The following COL11A1 variants were observed in gnomAD, a reference collection of about 807,000 sequenced individuals.
The protein encoded by COL11A1 is collagen type XI alpha 1 chain.
COL11A1 carries 74 observed loss-of-function variants against 265.2 expected under a neutral mutation model. That is an observed-to-expected ratio of 0.28 (90% CI 0.23 to 0.34). The LOEUF is 0.34. Ranked by LOEUF, COL11A1 falls within the 10% of genes least tolerant of loss-of-function variation. The pLI, the probability that COL11A1 is intolerant of heterozygous loss-of-function variation, is 1.00. For missense variants in COL11A1, 2,165 were observed against 2,263.6 expected (o/e 0.96, Z 0.88); for synonymous variants, 816 against 727.6 (o/e 1.12, Z -1.96).
At chr1:103,099,897 A>G (rs1384546208) in intron 1 of COL11A1, among the ~76,000 whole-genome samples, 1 of 151,942 alleles carries the variant, frequency 6.6e-6, no homozygotes, top group African/African-American at 2.4e-5. Context: ...TACCAACAGC[A>G]TAATCTGAGG....
chr1:102,913,845 T>G (rs539614644), intron 52 of COL11A1, among the ~76,000 whole-genome samples, 155 bp from the exon 53 acceptor site: 1 of 152,270 alleles, frequency 6.6e-6, no homozygotes, highest in Non-Finnish European at 1.5e-5. Flanking sequence ...TTAAAAAGAT[T>G]GTGGTACCTC....
intron 36 of COL11A1, among the ~76,000 whole-genome samples, chr1:102,970,697 G>A (rs2101628504): frequency 6.6e-6 from 1 of 152,140 alleles, no homozygotes; most frequent in Non-Finnish European, 1.5e-5. Flanking sequence ...CCCTCTAGTG[G>A]TAATCCGAGC....
At chr1:102,898,239 T>A in intron 56 of COL11A1, 61 bp from the exon 57 acceptor site, 1 of 806,060 alleles carries the variant, frequency 1.2e-6, no homozygotes, top group Non-Finnish European at 1.7e-6. Flanking sequence ...TTTATTTATT[T>A]ATTTTAAATT....
chr1:102,921,373 G>T, intron 48 of COL11A1, 145 bp downstream of exon 48: 1 of 608,126 alleles, frequency 1.6e-6, no homozygotes, highest in African/African-American at 1.9e-5. Flanking sequence ...ATAATAAAGT[G>T]GAGTGAATAG....
At chr1:103,028,022 TTTTTGTTTTG>T (rs554819260) in intron 5 of COL11A1, among the ~76,000 whole-genome samples, 1 of 151,758 alleles carries the variant, frequency 6.6e-6, no homozygotes, top group Admixed American at 6.6e-5. Flanking sequence ...GTTTGTTTGT[TTTTTGTTTTG>T]TTTTGTTTTG....
At position 103,005,994 on chromosome 1, in the gene COL11A1, T is replaced by C. The variant is rs948714614; in HGVS notation, c.1791+74A>G. 5.6e-6 allele frequency: 9 copies of C among 1,611,346 alleles called. No individual in the cohort carries two copies. In the African/African-American group the frequency reaches 8.0e-5, roughly 14 times the overall value. ...GAAATATTCTCTCAGATTCAGAAAATGGATTTTTAAATATAAAATTTTCCA... is the reference window on the plus strand; with the variant it reads ...GAAATATTCTCTCAGATTCAGAAAACGGATTTTTAAATATAAAATTTTCCA... On this transcript the variant is annotated intron_variant, in intron 17 of 66. Coordinates refer to ENST00000370096, the MANE Select transcript of COL11A1 (RefSeq NM_001854.4).
rs1188781007 is a variant in COL11A1, at chr1:103,037,964, A to T, written c.652-6720T>A. ...AAATCATCTAGATTCCAAATTTCTTATAGTTCATTCTTGTCTCCATTAACT... is the reference window on the plus strand; with the variant it reads ...AAATCATCTAGATTCCAAATTTCTTTTAGTTCATTCTTGTCTCCATTAACT... On this transcript the variant is annotated intron_variant, in intron 4 of 66. Coordinates refer to ENST00000370096, the MANE Select transcript of COL11A1 (RefSeq NM_001854.4). 3.9e-5 allele frequency among the ~76,000 whole-genome samples: 6 copies of T among 152,184 alleles called. No individual in the cohort carries two copies. In the East Asian group the frequency reaches 1.2e-3, roughly 29 times the overall value.
At chr1:103,105,518 C>G (rs1286285841) in intron 1 of COL11A1, among the ~76,000 whole-genome samples, 1 of 151,944 alleles carries the variant, frequency 6.6e-6, no homozygotes. Context: ...TAGAGTCTAA[C>G]TTTGTTTTGA....
At chr1:103,057,932 C>G (rs1474390640) in intron 4 of COL11A1, among the ~76,000 whole-genome samples, 1 of 152,096 alleles carries the variant, frequency 6.6e-6, no homozygotes, top group Admixed American at 6.6e-5. Flanking sequence ...CTTAAAGTAG[C>G]CAGCTGCATT....
intron 1 of COL11A1, among the ~76,000 whole-genome samples, chr1:103,083,962 C>T (rs578143657): frequency 6.6e-6 from 1 of 152,210 alleles, no homozygotes; most frequent in East Asian, 1.9e-4. Flanking sequence ...TAAACTTTCC[C>T]TTTGTAAGTG....
At chr1:103,062,111 A>T (rs763007307) in intron 4 of COL11A1, among the ~76,000 whole-genome samples, 21 of 151,988 alleles carry the variant, frequency 1.4e-4, no homozygotes, top group Non-Finnish European at 2.1e-4. Flanking sequence ...TCCTTGGTAG[A>T]TCCAATCTGT....
intron 4 of COL11A1, among the ~76,000 whole-genome samples, chr1:103,037,282 GTGTGTA>G (rs1668454595): frequency 2.1e-5 from 3 of 144,624 alleles, no homozygotes. Context: ...GTGTGTGTGT[GTGTGTA>G]AAGAATCACA....
At chr1:102,979,857 T>C (rs1662869623) in intron 31 of COL11A1, among the ~76,000 whole-genome samples, 1 of 152,178 alleles carries the variant, frequency 6.6e-6, no homozygotes, top group Non-Finnish European at 1.5e-5. Context: ...CCTGAATTAA[T>C]ATTATCATAT....
chr1:102,910,028 T>C (rs1469614740), intron 54 of COL11A1, among the ~76,000 whole-genome samples: 1 of 152,152 alleles, frequency 6.6e-6, no homozygotes, highest in East Asian at 1.9e-4. Flanking sequence ...TCAAAATAGC[T>C]TCACACAACA....
chr1:102,996,972 C>T, intron 26 of COL11A1, 108 bp downstream of exon 26: 9 of 897,416 alleles, frequency 1.0e-5, no homozygotes, highest in Admixed American at 1.9e-5. Flanking sequence ...TTTTTTATAC[C>T]CAAAATAACT....
At chr1:103,076,575 C>A (rs568061000) in intron 3 of COL11A1, among the ~76,000 whole-genome samples, 18 of 152,252 alleles carry the variant, frequency 1.2e-4, no homozygotes, top group African/African-American at 3.6e-4. Flanking sequence ...CAGGATTGTT[C>A]TTTCTCCACA....
intron 9 of COL11A1, among the ~76,000 whole-genome samples, chr1:103,021,246 G>T (rs1274415913): frequency 6.6e-6 from 1 of 151,402 alleles, no homozygotes; most frequent in Non-Finnish European, 1.5e-5. Flanking sequence ...AGATGAAAAG[G>T]AAGTAAAAAA....
At chr1:103,088,445 T>C (rs1459294688) in intron 1 of COL11A1, among the ~76,000 whole-genome samples, 1 of 152,208 alleles carries the variant, frequency 6.6e-6, no homozygotes, top group African/African-American at 2.4e-5. Context: ...ATAGACCTCC[T>C]TGCTGCCTAT....
At chr1:102,912,603 A>G (rs1276044994) in intron 53 of COL11A1, among the ~76,000 whole-genome samples, 1 of 152,216 alleles carries the variant, frequency 6.6e-6, no homozygotes, top group African/African-American at 2.4e-5. Context: ...TTATTTTTGT[A>G]CAACACTAAC....
Sources: gnomAD v4.1 joint callset for allele counts (sites outside exome capture counted in the v4.1 genomes callset) on GRCh38, gnomAD v4.1.1 for gene constraint, MANE v1.5 for transcripts, NCBI Gene and HGNC (gene_info 2026-07-23, HGNC 2026-07-21) for gene names.